RALYL: variants seen among roughly 807,000 people sequenced by gnomAD.
RALYL encodes the protein RALY RNA binding protein like.
A neutral mutation model predicts 35.1 loss-of-function variants in RALYL; 29 were observed. The observed-to-expected ratio is 0.83, with a 90% CI of 0.61 to 1.13. The LOEUF is 1.13. RALYL is among the 50% of genes most tolerant of loss of function. The pLI is 0.00. For synonymous variants in RALYL, 120 were observed against 127.6 expected (o/e 0.94, Z 0.40); for missense variants, 359 against 360.4 (o/e 1.00, Z 0.03).
In RALYL at chr8:84,569,907, C is replaced by T. The variant is rs528342050; in HGVS notation, c.256+40330C>T. ...AAATCAATCAGTTGTAGGTATGTGA[C>T]TTAATTTCTGGGTTCTATTTCCTTT... is the stretch of plus-strand genomic sequence containing the variant. On this transcript the variant is annotated intron_variant, in intron 2 of 8. Transcript: ENST00000521268. Among the ~76,000 whole-genome samples, 9 of 151,832 alleles carry T rather than the reference C, an allele frequency of 5.9e-5. No individual in the cohort carries two copies. In the South Asian group the frequency reaches 8.3e-4, roughly 14 times the overall value.
chr8:84,427,406 C>T (rs115688147), intron 1 of RALYL, among the ~76,000 whole-genome samples: 5,307 of 152,252 alleles, frequency 0.035, 132 homozygotes, highest in Middle Eastern at 0.054. Flanking sequence ...CTACATCCTA[C>T]GGAGTTAGAT....
At chr8:84,697,637 C>T (rs1255627623) in intron 2 of RALYL, among the ~76,000 whole-genome samples, 1 of 152,020 alleles carries the variant, frequency 6.6e-6, no homozygotes, top group Non-Finnish European at 1.5e-5. Context: ...GTTTGTTATA[C>T]AGGTAAACTT....
At chr8:84,531,759 T>C (rs1464232475) in intron 2 of RALYL, among the ~76,000 whole-genome samples, 1 of 152,098 alleles carries the variant, frequency 6.6e-6, no homozygotes, top group Non-Finnish European at 1.5e-5. Context: ...TGATTCACTT[T>C]TTAATGAGCT....
chr8:84,341,178 C>A (rs1486080166), intron 1 of RALYL, among the ~76,000 whole-genome samples: 1 of 95,456 alleles, frequency 1.0e-5, no homozygotes, highest in Non-Finnish European at 2.4e-5. Flanking sequence ...TTTTTTTTTG[C>A]CATTGATTTG....
In RALYL at chr8:84,817,018, G is replaced by A. The variant is rs73299266; in HGVS notation, c.365+12216G>A. The stretch of plus-strand genomic sequence containing the variant: ...ATTTATCTCTATTGAAGCACTATGT[G>A]TGAGCTAAGCATGGACCAGCCAAGC... On this transcript the variant is annotated intron_variant, in intron 4 of 8. Coordinates refer to ENST00000521268, the MANE Select transcript of RALYL (RefSeq NM_173848.7). Among the ~76,000 whole-genome samples, 594 of 152,234 alleles carry A rather than the reference G, an allele frequency of 3.9e-3. 3 individuals are homozygous for A. Among genetic ancestry groups the A allele is most frequent in the African/African-American group, 0.013 (554 of 41,538 alleles).
At chr8:84,455,400 C>T (rs1380313821) in intron 1 of RALYL, among the ~76,000 whole-genome samples, 1 of 151,950 alleles carries the variant, frequency 6.6e-6, no homozygotes, top group Non-Finnish European at 1.5e-5. Context: ...AGAAACCTTT[C>T]ATCAGAGCAA....
chr8:84,491,678 A>G (rs985419631), intron 1 of RALYL, among the ~76,000 whole-genome samples: 1 of 152,024 alleles, frequency 6.6e-6, no homozygotes, highest in Admixed American at 6.6e-5. Flanking sequence ...AACAAACAAA[A>G]CAACTTTTTG....
At position 84,529,359 on chromosome 8, in the gene RALYL, A is replaced by G; in HGVS notation, c.38A>G (p.Lys13Arg). The change falls in exon 2 of 9, where the codon AAG (lysine) becomes AGG (arginine). Residue 13 changes from lysine to arginine, a missense_variant. Transcript: ENST00000521268. ...ACACAGACCAGCAACGTCACCAATA[A>G]GAATGACCCCAAGTCCATCAACTCC... ...GKTQTSNVTN[K>R]NDPKSINSRV... The G allele has an allele frequency of 6.3e-7, 1 of 1,597,160 alleles. No individual in the cohort carries two copies. Among genetic ancestry groups the G allele is most frequent in the Non-Finnish European group, 8.5e-7 (1 of 1,170,522 alleles).
intron 1 of RALYL, among the ~76,000 whole-genome samples, chr8:84,469,907 T>C (rs2052449571): frequency 1.3e-5 from 2 of 152,194 alleles, no homozygotes; most frequent in South Asian, 4.1e-4. Flanking sequence ...ATTTTCCAGG[T>C]GCCGTCTGTC....
intron 2 of RALYL, among the ~76,000 whole-genome samples, chr8:84,735,786 C>T (rs1443477079): frequency 6.7e-6 from 1 of 148,532 alleles, no homozygotes; most frequent in Non-Finnish European, 1.5e-5. Flanking sequence ...AAAACATGCC[C>T]CATTCCTTAA....
At chr8:84,459,290 G>T (rs2050478249) in intron 1 of RALYL, among the ~76,000 whole-genome samples, 1 of 151,712 alleles carries the variant, frequency 6.6e-6, no homozygotes, top group Admixed American at 6.6e-5. Flanking sequence ...AGAAAATGTT[G>T]CATCTGAGTT....
chr8:84,791,037 C>T (rs1820655168), intron 3 of RALYL, among the ~76,000 whole-genome samples: 1 of 152,178 alleles, frequency 6.6e-6, no homozygotes, highest in Admixed American at 6.5e-5. Flanking sequence ...AAATCTCTGT[C>T]CTTGCCTTCA....
chr8:84,732,788 C>G (rs1183355600), intron 2 of RALYL, among the ~76,000 whole-genome samples: 1 of 151,366 alleles, frequency 6.6e-6, no homozygotes, highest in African/African-American at 2.4e-5. Context: ...CCTCTGCCTC[C>G]CAGATTCAAG....
At chr8:84,211,996 AGTCCAAG>A (rs1819605723) in intron 1 of RALYL, among the ~76,000 whole-genome samples, 1 of 152,182 alleles carries the variant, frequency 6.6e-6, no homozygotes, top group African/African-American at 2.4e-5. Flanking sequence ...AAGGAAGGTA[AGTCCAAG>A]GTCACAGAAC....
At position 84,417,110 on chromosome 8, in the gene RALYL, GAAC is replaced by G. The variant is rs1183947840; in HGVS notation, c.-23-112186_-23-112184del. ...GTAGTAGTTAAATAGGCAGGAATTAGAACAAAAAAAAAAAAAGAGGAAACAAGA... is the reference window on the plus strand; with the variant it reads ...GTAGTAGTTAAATAGGCAGGAATTAGAAAAAAAAAAAAAGAGGAAACAAGA... On this transcript the variant is annotated intron_variant, in intron 1 of 8. Coordinates refer to ENST00000521268, the MANE Select transcript of RALYL (RefSeq NM_173848.7). Among the ~76,000 whole-genome samples the G allele has an allele frequency of 7.6e-5, 11 of 144,068 alleles. No homozygotes were observed. In the South Asian group the frequency reaches 1.7e-3, roughly 23 times the overall value. The allele number at this position is 144,068 out of a possible 152,430, so 94.5% of individuals were successfully genotyped here.
intron 2 of RALYL, among the ~76,000 whole-genome samples, chr8:84,626,013 A>T (rs942115847): frequency 3.9e-5 from 6 of 152,184 alleles, no homozygotes; most frequent in African/African-American, 1.4e-4. Flanking sequence ...GTAAAATATG[A>T]CAAAAATATA....
intron 2 of RALYL, among the ~76,000 whole-genome samples, chr8:84,572,613 C>T (rs1441595943): frequency 6.6e-6 from 1 of 151,818 alleles, no homozygotes; most frequent in Non-Finnish European, 1.5e-5. Context: ...CCACTCTCCT[C>T]TTCTATTTAC....
At chr8:84,431,093 G>A (rs566216659) in intron 1 of RALYL, among the ~76,000 whole-genome samples, 91 of 152,286 alleles carry the variant, frequency 6.0e-4, no homozygotes, top group Non-Finnish European at 9.3e-4. Flanking sequence ...AATAATGGTA[G>A]CCAGCTTGTC....
intron 2 of RALYL, among the ~76,000 whole-genome samples, chr8:84,660,371 T>C (rs1830681364): frequency 1.3e-5 from 2 of 152,020 alleles, no homozygotes; most frequent in Non-Finnish European, 2.9e-5. Flanking sequence ...TTTACTCTAT[T>C]TGTACCTTCT....
Sources: allele counts gnomAD v4.1 joint callset (sites outside exome capture counted in the v4.1 genomes callset), GRCh38; gene constraint gnomAD v4.1.1; transcripts MANE v1.5; gene names NCBI Gene and HGNC (gene_info 2026-07-23, HGNC 2026-07-21).